Variants in IFNAR1 observed in about 807,000 individuals in gnomAD.
IFNAR1 encodes the protein interferon alpha and beta receptor subunit 1.
A neutral mutation model predicts 62.1 loss-of-function variants in IFNAR1; 47 were observed. The observed-to-expected ratio is 0.76, with a 90% confidence interval of 0.60 to 0.97. The LOEUF (loss-of-function observed/expected upper bound fraction) is 0.97. Among genes scored for constraint, IFNAR1 ranks in the 50% least tolerant of loss-of-function variants. The probability of loss-of-function intolerance (pLI) is 0.00; values close to 1 mark genes in which losing one functional copy is unlikely to be tolerated. For missense variants in IFNAR1, 638 were observed against 654.5 expected, an observed-to-expected ratio of 0.97 and a Z score of 0.27; for synonymous variants, 219 against 226.9, an observed-to-expected ratio of 0.97 and a Z score of 0.31.
intron 8 of IFNAR1, 98 bp downstream of exon 8, chr21:33,349,641 T>C: frequency 2.2e-6 from 2 of 896,658 alleles, no homozygotes; most frequent in East Asian, 2.7e-5. Flanking sequence ...ATTTTTAAAC[T>C]TTATGTGGGC....
intron 1 of IFNAR1, among the ~76,000 whole-genome samples, chr21:33,325,618 A>G (rs1327336789): frequency 1.3e-5 from 2 of 152,122 alleles, no homozygotes; most frequent in African/African-American, 4.8e-5. Flanking sequence ...CATAATTGTC[A>G]GTTCTCGAGG....
intron 5 of IFNAR1, among the ~76,000 whole-genome samples, chr21:33,345,007 C>T (rs2083332055): frequency 1.3e-5 from 2 of 152,014 alleles, no homozygotes; most frequent in African/African-American, 2.4e-5. Flanking sequence ...AGGCGCGTCT[C>T]GAACTCCTGA....
Position 33,333,420 on chromosome 21 carries a change from C to A in IFNAR1, c.77-2104C>A, listed in dbSNP as rs17875875. Reference sequence around the variant, plus strand: ...ATAAAACTCTCTGATAGAGCAGATACACAAAGGAGAAAGAGAAAAGAATTA... The same window carrying A: ...ATAAAACTCTCTGATAGAGCAGATAAACAAAGGAGAAAGAGAAAAGAATTA... On this transcript the variant is annotated intron_variant, in intron 1 of 10. Coordinates refer to ENST00000270139, the MANE Select transcript of IFNAR1 (RefSeq NM_000629.3). Among the ~76,000 whole-genome samples, 2 of 151,972 alleles carry A rather than the reference C, an allele frequency of 1.3e-5. 1 individual carries two copies.
intron 1 of IFNAR1, among the ~76,000 whole-genome samples, chr21:33,331,511 G>A (rs545956678): frequency 5.9e-5 from 9 of 152,240 alleles, no homozygotes; most frequent in African/African-American, 1.2e-4. Flanking sequence ...GTAGTACCCC[G>A]CTTCCCTGGA....
intron 2 of IFNAR1, among the ~76,000 whole-genome samples, chr21:33,338,020 A>C (rs1271136649): frequency 2.0e-5 from 3 of 152,320 alleles, no homozygotes; most frequent in Middle Eastern, 6.8e-3. Context: ...ATATGCATCC[A>C]ACAAGAGCTT....
chr21:33,347,399 G>A (rs1404876451), intron 6 of IFNAR1, among the ~76,000 whole-genome samples: 1 of 152,070 alleles, frequency 6.6e-6, no homozygotes, highest in African/African-American at 2.4e-5. Context: ...CAAAGTTCTG[G>A]GATTATAGGC....
chr21:33,349,256 G>C lies in IFNAR1; in HGVS notation c.954G>C (p.Trp318Cys), dbSNP rs578193831. The change falls in exon 7 of 11, where the codon TGG becomes TGC. Residue 318 changes from tryptophan to cysteine, a missense_variant. By Grantham distance (215) the Trp-to-Cys change is radical. Coordinates refer to ENST00000270139, the MANE Select transcript of IFNAR1 (RefSeq NM_000629.3). ...QASDGNNTSFWSEEIKFDTEI... is the reference protein window; with the variant it reads ...QASDGNNTSFCSEEIKFDTEI... ...CTGATGGAAATAACACATCTTTTTG[G>C]TCTGAAGAGATAAAGTTTGATACTG... 1.4e-5 allele frequency: 23 copies of C among 1,610,808 alleles called. No individual in the cohort carries two copies. Among genetic ancestry groups the C allele is most frequent in the Middle Eastern group, 3.3e-4 (2 of 6,050 alleles).
At chr21:33,336,535 C>T (rs1033374697) in intron 2 of IFNAR1, among the ~76,000 whole-genome samples, 51 of 151,326 alleles carry the variant, frequency 3.4e-4, no homozygotes, top group Admixed American at 1.1e-3. Context: ...TTTACAGTCC[C>T]ACCAACAGTG....
At position 33,352,776 on chromosome 21, in the gene IFNAR1, A is replaced by T; in HGVS notation, c.1162A>T (p.Lys388Ter). 1 of 1,525,014 alleles carries T rather than the reference A, an allele frequency of 6.6e-7. No individual in the cohort carries two copies. Among genetic ancestry groups the T allele is most frequent in the Admixed American group, 1.9e-5 (1 of 53,032 alleles). 94.5% of individuals were successfully genotyped at this position (1,525,014 alleles called of 1,614,324 possible). A position where few individuals can be genotyped will look rare whatever the true frequency, so the allele number is the denominator to read the frequency against. ...TTTCTAGAGAAAAATTATCGAGAAAAAAACTGATGTTACAGTTCCTAATTT... is the reference window on the plus strand; with the variant it reads ...TTTCTAGAGAAAAATTATCGAGAAATAAACTGATGTTACAGTTCCTAATTT... The part of the protein sequence containing the change: ...SNAERKIIEK[K>*]TDVTVPNLKP... Residue 388 changes from lysine (K) to a stop codon, truncating the protein, a stop_gained, in exon 9 of 11, where the codon AAA (lysine) becomes TAA (stop). Transcript: ENST00000270139. LOFTEE classifies it high-confidence loss of function.
intron 6 of IFNAR1, among the ~76,000 whole-genome samples, chr21:33,347,456 G>A (rs1348336141): frequency 2.0e-5 from 3 of 151,950 alleles, no homozygotes; most frequent in African/African-American, 4.8e-5. Flanking sequence ...TAGTAGAGAC[G>A]GAGTTTCTCC....
At chr21:33,346,173 A>G (rs1282634086) in intron 6 of IFNAR1, among the ~76,000 whole-genome samples, 1 of 152,222 alleles carries the variant, frequency 6.6e-6, no homozygotes, top group African/African-American at 2.4e-5. Context: ...TAGGAGATGA[A>G]TAGAGAAAAG....
intron 1 of IFNAR1, chr21:33,334,805 A>G (rs1423696620): frequency 4.7e-6 from 4 of 842,490 alleles, no homozygotes; most frequent in African/African-American, 3.3e-5. Context: ...TGGCTATCCT[A>G]CCACTCAATT....
chr21:33,359,144 T>C lies in IFNAR1; in HGVS notation c.*3595T>C, dbSNP rs2083476793. 1 of 152,182 alleles carries C rather than the reference T, an allele frequency of 6.6e-6. No homozygotes were observed. The highest frequency in any genetic ancestry group is 6.5e-5 in the Admixed American group (1 of 15,282). The allele number at this position is 152,182 out of a possible 1,614,324, so 9.4% of individuals were successfully genotyped here. A position where few individuals can be genotyped will look rare whatever the true frequency, so the allele number is the denominator to read the frequency against. ...ATGAATGAAATCTAAACTGTGAACC[T>C]GAGGGTGTTTGTGGCAGTGTTTGTT... is the stretch of plus-strand genomic sequence containing the variant. On this transcript the variant is annotated 3_prime_UTR_variant, in exon 11 of 11. Transcript: ENST00000270139.
rs899739337 is a variant in IFNAR1, at chr21:33,358,000, A to G, written c.*2451A>G. 1 of 152,236 alleles carries G rather than the reference A, an allele frequency of 6.6e-6. No individual in the cohort carries two copies. The highest frequency in any genetic ancestry group is 1.5e-5 in the Non-Finnish European group (1 of 68,062). The allele number at this position is 152,236 out of a possible 1,614,324, so 9.4% of individuals were successfully genotyped here. On this transcript the variant is annotated 3_prime_UTR_variant, in exon 11 of 11. Coordinates refer to ENST00000270139, the MANE Select transcript of IFNAR1 (RefSeq NM_000629.3). ...ACTGGGAAAACGTACTTCAGACTGGATAGCCTAAAAAGGAGCAATGCCCTT... is the reference window on the plus strand; with the variant it reads ...ACTGGGAAAACGTACTTCAGACTGGGTAGCCTAAAAAGGAGCAATGCCCTT...
chr21:33,351,556 T>TA lies in IFNAR1; in HGVS notation c.1144-1202_1144-1201insA, dbSNP rs202193955. On this transcript the variant is annotated intron_variant, in intron 8 of 10. Transcript: ENST00000270139. ...TTTTTTATTTTATTTTATTTTATTT[T>TA]TTTTTTTTTTGAGACAGGTTCTCAT... 4.5e-3 allele frequency among the ~76,000 whole-genome samples: 674 copies of TA among 149,980 alleles called. 7 individuals are homozygous for TA. Among genetic ancestry groups the TA allele is most frequent in the African/African-American group, 0.016 (649 of 40,552 alleles).
chr21:33,334,673 G>A (rs2083216103), intron 1 of IFNAR1: 2 of 812,390 alleles, frequency 2.5e-6, no homozygotes, highest in Non-Finnish European at 4.3e-6. Context: ...CAGCCAGTGG[G>A]GCTATTGCCA....
Position 33,341,028 on chromosome 21 carries a change from C to A in IFNAR1, c.230C>A (p.Ser77Tyr). The A allele has an allele frequency of 6.2e-7, 1 of 1,610,898 alleles. No homozygotes were observed. The highest frequency in any genetic ancestry group is 8.5e-7 in the Non-Finnish European group (1 of 1,177,822). ...KTGMDNWIKL[S>Y]GCQNITSTKC... The stretch of plus-strand genomic sequence containing the variant: ...GGGATGGATAATTGGATAAAATTGT[C>A]TGGGTGTCAGAATATTACTAGTACC... Residue 77 changes from serine to tyrosine, a missense_variant, in exon 3 of 11, where the codon TCT becomes TAT. By Grantham distance (144) the Ser-to-Tyr change is moderately radical (BLOSUM62 -2). Coordinates refer to ENST00000270139, the MANE Select transcript of IFNAR1 (RefSeq NM_000629.3).
Position 33,353,723 on chromosome 21 carries a change from C to T in IFNAR1, c.1380C>T (p.Phe460=), listed in dbSNP as rs755714620. The T allele has an allele frequency of 1.4e-5, 23 of 1,592,844 alleles. No homozygotes were observed. In the East Asian group the frequency reaches 5.0e-4, roughly 35 times the overall value. Residue 460 remains phenylalanine, a synonymous_variant, in exon 10 of 11, where the codon TTC becomes TTT. Coordinates refer to ENST00000270139, the MANE Select transcript of IFNAR1 (RefSeq NM_000629.3). The part of the protein sequence containing the change: ...LPFVIYAAKV[F]LRCINYVFFP... ...TTGTCATTTATGCTGCGAAAGTCTT[C>T]TTGAGATGCATCAATTATGTCTTCT... is the stretch of plus-strand genomic sequence containing the variant.
chr21:33,335,600 G>A lies in IFNAR1; in HGVS notation c.153G>A (p.Arg51=). The A allele has an allele frequency of 6.2e-7, 1 of 1,606,674 alleles. No homozygotes were observed. The highest frequency in any genetic ancestry group is 8.5e-7 in the Non-Finnish European group (1 of 1,176,274). ...ACAACTTTATCCTGAGGTGGAACAG[G>A]AGCGATGAGTCTGTCGGGAATGTGA... is the stretch of plus-strand genomic sequence containing the variant. ...IDDNFILRWN[R]SDESVGNVTF... The change falls in exon 2 of 11, where the codon AGG becomes AGA. Residue 51 remains arginine, a synonymous_variant. Transcript: ENST00000270139.
Sources: gnomAD v4.1 joint callset for allele counts (sites outside exome capture counted in the v4.1 genomes callset) on GRCh38, gnomAD v4.1.1 for gene constraint, MANE v1.5 for transcripts, NCBI Gene and HGNC (gene_info 2026-07-23, HGNC 2026-07-21) for gene names.